PMEPA1: variants seen among roughly 807,000 people sequenced by gnomAD.
PMEPA1 encodes the protein prostate transmembrane protein, androgen induced 1.
A neutral mutation model predicts 23.0 loss-of-function variants in PMEPA1; 11 were observed. The ratio of observed to expected loss-of-function variants is 0.48; its 90% CI spans 0.30 to 0.79. The LOEUF (loss-of-function observed/expected upper bound fraction) is 0.79, where lower values mean the gene tolerates loss of function less well. Ranked by LOEUF, PMEPA1 falls within the 30% of genes least tolerant of loss-of-function variation. The probability of loss-of-function intolerance (pLI) is 0.06; values close to 1 mark genes in which losing one functional copy is unlikely to be tolerated. For synonymous variants in PMEPA1, 204 were observed against 166.4 expected (o/e 1.23, Z -1.74); for missense variants, 377 against 390.9 (o/e 0.96, Z 0.30).
At chr20:57,663,961 C>G (rs924477812) in intron 1 of PMEPA1, among the ~76,000 whole-genome samples, 3 of 152,220 alleles carry the variant, frequency 2.0e-5, no homozygotes, top group African/African-American at 4.8e-5. Flanking sequence ...ACAGGTCCAA[C>G]GAAGACCACC....
At position 57,679,596 on chromosome 20, in the gene PMEPA1, T is replaced by C. The variant is rs544533117; in HGVS notation, c.110-19899A>G. ...GGAATGGACTTACAAGCGCCCGCTA[T>C]GGATGAACAGATTCCAACCAGGCGC... On this transcript the variant is annotated intron_variant, in intron 1 of 3. Transcript: ENST00000341744. 3.3e-5 allele frequency among the ~76,000 whole-genome samples: 5 copies of C among 152,332 alleles called. No individual in the cohort carries two copies. The South Asian group carries it at 1.0e-3, about 32-fold the overall frequency.
At chr20:57,691,177 T>C (rs1004550749) in intron 1 of PMEPA1, among the ~76,000 whole-genome samples, 1 of 152,226 alleles carries the variant, frequency 6.6e-6, no homozygotes, top group Non-Finnish European at 1.5e-5. Flanking sequence ...CAGTAGGTGC[T>C]CAATGAATGT....
intron 1 of PMEPA1, among the ~76,000 whole-genome samples, chr20:57,700,839 C>T (rs1298674171): frequency 6.6e-6 from 1 of 152,042 alleles, no homozygotes; most frequent in Non-Finnish European, 1.5e-5. Flanking sequence ...ACCAGCCTGG[C>T]CAACATGGCA....
intron 1 of PMEPA1, among the ~76,000 whole-genome samples, chr20:57,675,484 C>G (rs576184406): frequency 6.6e-6 from 1 of 152,246 alleles, no homozygotes; most frequent in East Asian, 1.9e-4. Context: ...CTGACCCTAG[C>G]CTGGCGCTTG....
Position 57,651,999 on chromosome 20 carries a change from C to T in PMEPA1, c.*54G>A. 3 of 1,402,044 alleles carry T rather than the reference C, an allele frequency of 2.1e-6. No homozygotes were observed. The highest frequency in any genetic ancestry group is 2.8e-6 in the Non-Finnish European group (3 of 1,056,438). 86.9% of individuals were successfully genotyped at this position (1,402,044 alleles called of 1,614,324 possible). On this transcript the variant is annotated 3_prime_UTR_variant, in exon 4 of 4. Coordinates refer to ENST00000341744, the MANE Select transcript of PMEPA1 (RefSeq NM_020182.5). ...CCTCTCACTCCTCTTCTAAGAAGCGCGGAGTGTTCTGCCTTTTCACCTACG... is the reference window on the plus strand; with the variant it reads ...CCTCTCACTCCTCTTCTAAGAAGCGTGGAGTGTTCTGCCTTTTCACCTACG...
chr20:57,684,861 G>T (rs949932419), intron 1 of PMEPA1, among the ~76,000 whole-genome samples: 1 of 151,956 alleles, frequency 6.6e-6, no homozygotes, highest in Non-Finnish European at 1.5e-5. Context: ...GAGCTGGGAG[G>T]GGGGGGTCTC....
At chr20:57,705,364 T>C (rs936662710) in intron 1 of PMEPA1, among the ~76,000 whole-genome samples, 15 of 152,118 alleles carry the variant, frequency 9.9e-5, no homozygotes, top group African/African-American at 3.1e-4. Context: ...AACTCCCCTA[T>C]TGCACCACAA....
chr20:57,700,784 T>C (rs1017475104), intron 1 of PMEPA1, among the ~76,000 whole-genome samples: 54 of 152,094 alleles, frequency 3.6e-4, no homozygotes, highest in Admixed American at 2.9e-3. Context: ...TCTCAGCACT[T>C]TGGGAGGCTG....
intron 1 of PMEPA1, among the ~76,000 whole-genome samples, chr20:57,689,148 T>C (rs1420345220): frequency 6.6e-6 from 1 of 152,150 alleles, no homozygotes; most frequent in Admixed American, 6.5e-5. Flanking sequence ...CATTAGAAAT[T>C]GGTGCACGTT....
chr20:57,665,139 C>G (rs2071474904), intron 1 of PMEPA1, among the ~76,000 whole-genome samples: 2 of 152,210 alleles, frequency 1.3e-5, no homozygotes, highest in South Asian at 4.1e-4. Flanking sequence ...ACTGTAGTCA[C>G]TGTAAGTATT....
intron 1 of PMEPA1, among the ~76,000 whole-genome samples, chr20:57,684,575 G>A (rs533827367): frequency 6.6e-6 from 1 of 152,350 alleles, no homozygotes; most frequent in South Asian, 2.1e-4. Context: ...TTGGGCGGGT[G>A]ATGGGTGATT....
intron 1 of PMEPA1, chr20:57,690,325 T>G: frequency 1.6e-6 from 1 of 644,410 alleles, no homozygotes; most frequent in Non-Finnish European, 2.6e-6. Flanking sequence ...CCCCCACCAC[T>G]GCCACCCGCC....
intron 1 of PMEPA1, among the ~76,000 whole-genome samples, chr20:57,706,834 A>C (rs1438499877): frequency 6.6e-6 from 1 of 152,156 alleles, no homozygotes; most frequent in African/African-American, 2.4e-5. Flanking sequence ...GAGCTTGCGT[A>C]GGCTCCTCTC....
At chr20:57,685,900 C>CT (rs1188714373) in intron 1 of PMEPA1, among the ~76,000 whole-genome samples, 3 of 152,146 alleles carry the variant, frequency 2.0e-5, no homozygotes, top group Admixed American at 1.3e-4. Flanking sequence ...AATCTGGTCT[C>CT]ACCTCCAACT....
intron 1 of PMEPA1, among the ~76,000 whole-genome samples, chr20:57,685,530 C>G (rs898499204): frequency 6.6e-6 from 1 of 152,124 alleles, no homozygotes. Flanking sequence ...CGGCCTAAAA[C>G]GATTTGTCAG....
chr20:57,657,889 C>T lies in PMEPA1; in HGVS notation c.264+1654G>A, dbSNP rs552771883. ...AGTCCTCCCCACACCTGGTGAGCCCCGGCTCAGAGACGTGCCGCAGCCCCA... is the reference window on the plus strand; with the variant it reads ...AGTCCTCCCCACACCTGGTGAGCCCTGGCTCAGAGACGTGCCGCAGCCCCA... On this transcript the variant is annotated intron_variant, in intron 2 of 3. Coordinates refer to ENST00000341744, the MANE Select transcript of PMEPA1 (RefSeq NM_020182.5). 5.3e-5 allele frequency among the ~76,000 whole-genome samples: 8 copies of T among 152,312 alleles called. No individual in the cohort carries two copies. The South Asian group carries it at 1.5e-3, about 28-fold the overall frequency.
At chr20:57,688,036 G>A (rs1465594885) in intron 1 of PMEPA1, among the ~76,000 whole-genome samples, 1 of 152,250 alleles carries the variant, frequency 6.6e-6, no homozygotes, top group South Asian at 2.1e-4. Flanking sequence ...AGGTCAGGCC[G>A]GGTGGTTCAG....
At chr20:57,660,041 G>A (rs921169573) in intron 1 of PMEPA1, among the ~76,000 whole-genome samples, 2 of 152,188 alleles carry the variant, frequency 1.3e-5, no homozygotes, top group African/African-American at 2.4e-5. Flanking sequence ...TCCTGGAGCC[G>A]TTCTGCAGAT....
intron 1 of PMEPA1, among the ~76,000 whole-genome samples, chr20:57,668,484 G>A (rs1190591030): frequency 1.3e-5 from 2 of 152,170 alleles, no homozygotes; most frequent in East Asian, 1.9e-4. Context: ...CCAAGCTCTG[G>A]GCTAGGCTCC....
Sources: allele counts gnomAD v4.1 joint callset (sites outside exome capture counted in the v4.1 genomes callset), GRCh38; gene constraint gnomAD v4.1.1; transcripts MANE v1.5; gene names NCBI Gene and HGNC (gene_info 2026-07-23, HGNC 2026-07-21).